DISC1: variants seen among roughly 807,000 people sequenced by gnomAD.
DISC1 encodes disrupted in schizophrenia 1 protein.
A neutral mutation model predicts 84.5 loss-of-function variants in DISC1; 57 were observed. The observed-to-expected ratio is 0.67, with a 90% CI of 0.55 to 0.84. The LOEUF is 0.84. DISC1 is among the 40% of genes least tolerant of loss of function. DISC1 has a pLI of 0.00. For synonymous variants in DISC1, 411 were observed against 415.2 expected (o/e 0.99, Z 0.12); for missense variants, 1,000 against 1,057.8 (o/e 0.95, Z 0.76).
chr1:231,986,106 G>A lies in DISC1; in HGVS notation c.2043-22679G>A, dbSNP rs185257089. Among the ~76,000 whole-genome samples the A allele has an allele frequency of 1.1e-4, 17 of 152,266 alleles. No individual in the cohort carries two copies. In the East Asian group the frequency reaches 1.9e-3, roughly 17 times the overall value. On this transcript the variant is annotated intron_variant, in intron 10 of 12. Coordinates refer to ENST00000439617, the MANE Select transcript of DISC1 (RefSeq NM_018662.3). ...AATAGTAATACTTCACAGTGAAATT[G>A]TACACTAGAATGAAAGAATGCATAA...
chr1:231,673,617 GA>G (rs1385604540), intron 1 of DISC1, among the ~76,000 whole-genome samples: 1 of 152,216 alleles, frequency 6.6e-6, no homozygotes, highest in Non-Finnish European at 1.5e-5. Context: ...CACTAGAAAA[GA>G]TCTTTCATTA....
intron 6 of DISC1, among the ~76,000 whole-genome samples, chr1:231,794,839 A>G (rs1428065643): frequency 6.6e-6 from 1 of 152,120 alleles, no homozygotes; most frequent in African/African-American, 2.4e-5. Flanking sequence ...ATATTTGCTG[A>G]ATTGCATTGT....
chr1:231,895,673 A>G (rs1257689207), intron 9 of DISC1, among the ~76,000 whole-genome samples: 1 of 152,020 alleles, frequency 6.6e-6, no homozygotes, highest in East Asian at 1.9e-4. Flanking sequence ...ATATTAATAA[A>G]TGGAATTAAC....
intron 1 of DISC1, among the ~76,000 whole-genome samples, chr1:231,660,517 C>T (rs756965246): frequency 7.2e-5 from 11 of 152,122 alleles, no homozygotes; most frequent in African/African-American, 2.7e-4. Flanking sequence ...CTCTGTGTCA[C>T]CCAGGCTGGA....
intron 9 of DISC1, among the ~76,000 whole-genome samples, chr1:231,912,773 CTTTCTTTCTTTCTT>C (rs1558725032): frequency 1.4e-5 from 2 of 144,846 alleles, no homozygotes; most frequent in Non-Finnish European, 1.5e-5. Context: ...TTCTTTCTTT[CTTTCTTTCTTTCTT>C]TCTTTCTTTC....
chr1:231,940,988 C>T (rs1273236900), intron 9 of DISC1: 1 of 152,200 alleles, frequency 6.6e-6, no homozygotes, highest in African/African-American at 2.4e-5. Flanking sequence ...CAGATTAAGA[C>T]ATGGGCATTC....
chr1:232,041,032 T>A lies in DISC1; in HGVS notation c.*4201T>A, dbSNP rs1670763782. On this transcript the variant is annotated 3_prime_UTR_variant, in exon 13 of 13. Transcript: ENST00000439617. ...TAATTCAATACTTTTACTTTTAATA[T>A]CCTCACCTTATCTAATCTTTGAATT... 2 of 152,234 alleles carry A rather than the reference T, an allele frequency of 1.3e-5. No individual in the cohort carries two copies. Among genetic ancestry groups the A allele is most frequent in the Non-Finnish European group, 2.9e-5 (2 of 68,034 alleles). 9.4% of individuals were successfully genotyped at this position (152,234 alleles called of 1,614,324 possible).
Position 232,009,208 on chromosome 1 carries a change from G to A in DISC1, c.2307+159G>A. On this transcript the variant is annotated intron_variant, in intron 11 of 12. Transcript: ENST00000439617. The surrounding 1 kb of genome is among the most constrained non-coding windows in gnomAD (Gnocchi z 4.6). ...CTCTTGAATATGATTACAAAATAAA[G>A]TAGAATTTTTGTAGAAGTTTGAAAT... 7.0e-7 allele frequency: 1 copy of A among 1,423,002 alleles called. No individual in the cohort carries two copies. The highest frequency in any genetic ancestry group is 2.6e-5 in the East Asian group (1 of 39,002). 88.1% of individuals were successfully genotyped at this position (1,423,002 alleles called of 1,614,324 possible).
chr1:231,709,692 C>A (rs1035582303), intron 3 of DISC1, among the ~76,000 whole-genome samples: 5 of 152,050 alleles, frequency 3.3e-5, no homozygotes, highest in Non-Finnish European at 7.4e-5. Context: ...TTTTTTCTCT[C>A]CTCTATGTCC....
intron 1 of DISC1, among the ~76,000 whole-genome samples, chr1:231,654,097 G>A (rs1387213609): frequency 6.6e-6 from 1 of 152,142 alleles, no homozygotes; most frequent in Non-Finnish European, 1.5e-5. Context: ...GCTCTGTCCT[G>A]GCAAGTTCCT....
At chr1:231,820,469 C>T (rs952381922) in intron 9 of DISC1, among the ~76,000 whole-genome samples, 2 of 152,032 alleles carry the variant, frequency 1.3e-5, no homozygotes, top group Non-Finnish European at 2.9e-5. Flanking sequence ...GAGAATGAAA[C>T]CATTTAAGAA....
intron 9 of DISC1, among the ~76,000 whole-genome samples, chr1:231,839,660 G>A (rs1264250714): frequency 1.3e-5 from 2 of 152,180 alleles, no homozygotes; most frequent in Non-Finnish European, 2.9e-5. Context: ...TGCTATCAAG[G>A]AATACCTGAG....
intron 4 of DISC1, among the ~76,000 whole-genome samples, chr1:231,757,255 T>C (rs563014767): frequency 6.6e-6 from 1 of 152,296 alleles, no homozygotes; most frequent in Non-Finnish European, 1.5e-5. Context: ...CACATGTACA[T>C]ATATGAAAAC....
chr1:231,711,350 C>T (rs1184539691), intron 3 of DISC1, among the ~76,000 whole-genome samples: 1 of 144,176 alleles, frequency 6.9e-6, no homozygotes, highest in African/African-American at 2.5e-5. Flanking sequence ...TGTATGAGGA[C>T]ATATTTCTTT....
chr1:231,682,341 C>T (rs2063777336), intron 1 of DISC1, among the ~76,000 whole-genome samples: 1 of 152,150 alleles, frequency 6.6e-6, no homozygotes, highest in South Asian at 2.1e-4. Context: ...TTAGAGAAAA[C>T]CTTTCCCTGC....
chr1:231,844,286 A>T (rs1380866648), intron 9 of DISC1, among the ~76,000 whole-genome samples: 2 of 152,174 alleles, frequency 1.3e-5, no homozygotes, highest in Non-Finnish European at 1.5e-5. Context: ...TGGCTCACAG[A>T]ACTCAGGAAA....
chr1:231,745,470 C>A, intron 3 of DISC1: 1 of 229,354 alleles, frequency 4.4e-6, no homozygotes, highest in Admixed American at 4.2e-5. Flanking sequence ...AATCCACCTG[C>A]TTCGGCCTCC....
At chr1:231,893,820 T>A (rs1242697970) in intron 9 of DISC1, among the ~76,000 whole-genome samples, 2 of 152,162 alleles carry the variant, frequency 1.3e-5, no homozygotes. Context: ...CTGCCTGTAC[T>A]GAAGAGAAAG....
intron 3 of DISC1, among the ~76,000 whole-genome samples, chr1:231,712,795 G>A (rs2068047900): frequency 6.6e-6 from 1 of 152,190 alleles, no homozygotes; most frequent in Non-Finnish European, 1.5e-5. Flanking sequence ...GCTTGCAAAT[G>A]CTCAAAGTGA....
Sources: gnomAD v4.1 joint callset for allele counts (sites outside exome capture counted in the v4.1 genomes callset) on GRCh38, gnomAD v4.1.1 for gene constraint, Gnocchi (gnomAD v3.1) non-coding constraint, MANE v1.5 for transcripts, NCBI Gene and HGNC (gene_info 2026-07-23, HGNC 2026-07-21) for gene names.